CSMD3: variants seen among roughly 807,000 people sequenced by gnomAD.
CSMD3 encodes the protein CUB and Sushi multiple domains 3, also known as CUB and sushi domain-containing protein 3.
A neutral mutation model predicts 435.2 loss-of-function variants in CSMD3; 177 were observed. That is an observed-to-expected ratio of 0.41 (90% CI 0.36 to 0.46). CSMD3 has a LOEUF of 0.46. Ranked by LOEUF, CSMD3 falls within the 20% of genes least tolerant of loss-of-function variation. The pLI, the probability that CSMD3 is intolerant of heterozygous loss-of-function variation, is 0.34. For synonymous variants in CSMD3, 1,656 were observed against 1,520.5 expected (o/e 1.09, Z -2.07); for missense variants, 4,265 against 4,504.6 (o/e 0.95, Z 1.52).
intron 6 of CSMD3, among the ~76,000 whole-genome samples, chr8:113,004,977 C>T (rs2202345): frequency 0.6 from 91,535 of 151,376 alleles, 29,278 homozygotes; most frequent in East Asian, 0.95. Flanking sequence ...AAATGTTATA[C>T]ATCATTATAT....
intron 4 of CSMD3, among the ~76,000 whole-genome samples, chr8:113,123,993 T>C (rs191736099): frequency 1.4e-4 from 21 of 152,172 alleles, no homozygotes; most frequent in Admixed American, 1.1e-3. Context: ...CCTTTTTGTA[T>C]CTACCAAAGC....
In CSMD3 at chr8:113,345,136, T is replaced by C. The variant is rs73701374; in HGVS notation, c.179-30343A>G. ...AGCATAATACTTACCTGAGGCAACA[T>C]ACTTTTATTATTTGTATTACTATTT... On this transcript the variant is annotated intron_variant, in intron 1 of 70. Coordinates refer to ENST00000297405, the MANE Select transcript of CSMD3 (RefSeq NM_198123.2). 7.7e-3 allele frequency among the ~76,000 whole-genome samples: 1,166 copies of C among 152,174 alleles called. 19 individuals carry two copies. Among genetic ancestry groups the C allele is most frequent in the African/African-American group, 0.027 (1,115 of 41,546 alleles).
chr8:112,277,617 G>C (rs1586628404), intron 59 of CSMD3, among the ~76,000 whole-genome samples: 1 of 152,084 alleles, frequency 6.6e-6, no homozygotes, highest in Non-Finnish European at 1.5e-5. Flanking sequence ...CCAACTGCCA[G>C]TACCAATTTA....
chr8:113,377,131 CCTCCAAAGGGCCGAGGGG>C, intron 1 of CSMD3: 2 of 1,259,342 alleles, frequency 1.6e-6, no homozygotes, highest in Non-Finnish European at 2.0e-6. Flanking sequence ...GCTCTCCGGT[CCTCCAAAGGGCCGAGGGG>C]TGTACGCCCC....
chr8:112,525,715 C>T (rs889358941), intron 27 of CSMD3, among the ~76,000 whole-genome samples: 1 of 142,874 alleles, frequency 7.0e-6, no homozygotes, highest in African/African-American at 2.6e-5. Context: ...AGCGAGACTC[C>T]GTCCTCCCAA....
intron 12 of CSMD3, among the ~76,000 whole-genome samples, chr8:112,807,653 A>G (rs2079124431): frequency 6.6e-6 from 1 of 152,124 alleles, no homozygotes; most frequent in African/African-American, 2.4e-5. Context: ...GATTTTTTAG[A>G]AGCTGTACAA....
At chr8:112,534,960 G>A (rs929998909) in intron 27 of CSMD3, among the ~76,000 whole-genome samples, 2 of 152,080 alleles carry the variant, frequency 1.3e-5, no homozygotes, top group Admixed American at 6.6e-5. Flanking sequence ...TGCAGAAAAG[G>A]CCTTTGACAA....
At chr8:113,270,198 C>T in intron 3 of CSMD3, among the ~76,000 whole-genome samples, 1 of 151,982 alleles carries the variant, frequency 6.6e-6, no homozygotes. Flanking sequence ...AGCCAACAGA[C>T]ACATGAAAAA....
At chr8:113,137,365 T>TTA (rs953530998) in intron 4 of CSMD3, among the ~76,000 whole-genome samples, 1 of 151,750 alleles carries the variant, frequency 6.6e-6, no homozygotes, top group Non-Finnish European at 1.5e-5. Flanking sequence ...GTTATTGAAT[T>TTA]TATATGTTTA....
chr8:112,723,167 A>G (rs1243307941), intron 13 of CSMD3, among the ~76,000 whole-genome samples: 1 of 152,148 alleles, frequency 6.6e-6, no homozygotes, highest in African/African-American at 2.4e-5. Flanking sequence ...CATAGCTTGG[A>G]GTAGATATTA....
chr8:112,621,431 T>C (rs1416363038), intron 22 of CSMD3, among the ~76,000 whole-genome samples: 2 of 152,054 alleles, frequency 1.3e-5, no homozygotes, highest in Non-Finnish European at 2.9e-5. Flanking sequence ...TCATTTCACT[T>C]CATTTCCTTC....
At chr8:113,103,848 A>C (rs2090398271) in intron 4 of CSMD3, among the ~76,000 whole-genome samples, 1 of 152,124 alleles carries the variant, frequency 6.6e-6, no homozygotes, top group Admixed American at 6.6e-5. Flanking sequence ...TTTTAAAAAT[A>C]GTTCACTATG....
intron 3 of CSMD3, among the ~76,000 whole-genome samples, chr8:113,241,041 C>A (rs1353050516): frequency 6.6e-6 from 1 of 152,054 alleles, no homozygotes; most frequent in Admixed American, 6.6e-5. Context: ...AAGATATTAG[C>A]TGATATTGTT....
chr8:113,061,737 A>T (rs1414777587), intron 5 of CSMD3, among the ~76,000 whole-genome samples: 1 of 152,050 alleles, frequency 6.6e-6, no homozygotes, highest in East Asian at 1.9e-4. Flanking sequence ...TTGTTGGGAT[A>T]CAAATCATAG....
chr8:113,265,355 T>C (rs1278202727), intron 3 of CSMD3, among the ~76,000 whole-genome samples: 2 of 151,614 alleles, frequency 1.3e-5, no homozygotes, highest in Non-Finnish European at 3.0e-5. Context: ...AGTATATGTA[T>C]TAACAAAAGT....
At chr8:112,614,422 A>C (rs1188138091) in intron 22 of CSMD3, among the ~76,000 whole-genome samples, 1 of 152,022 alleles carries the variant, frequency 6.6e-6, no homozygotes, top group East Asian at 1.9e-4. Context: ...GTAAAACCAA[A>C]GCCTTTGTAA....
chr8:112,790,608 C>T (rs895862970), intron 13 of CSMD3, among the ~76,000 whole-genome samples: 32 of 152,032 alleles, frequency 2.1e-4, no homozygotes, highest in African/African-American at 7.5e-4. Context: ...TAAATTTCCC[C>T]TATCGTAATC....
chr8:113,072,957 T>C (rs1334917352), intron 5 of CSMD3, among the ~76,000 whole-genome samples: 2 of 151,710 alleles, frequency 1.3e-5, no homozygotes, highest in African/African-American at 2.4e-5. Flanking sequence ...ACAATGATTC[T>C]TACAACTCTA....
At chr8:112,367,086 A>C (rs566348600) in intron 38 of CSMD3, among the ~76,000 whole-genome samples, 1 of 152,172 alleles carries the variant, frequency 6.6e-6, no homozygotes, top group East Asian at 1.9e-4. Flanking sequence ...AATTCAATTT[A>C]TTTGTGGCAT....
Sources: gnomAD v4.1 joint callset for allele counts (sites outside exome capture counted in the v4.1 genomes callset) on GRCh38, gnomAD v4.1.1 for gene constraint, MANE v1.5 for transcripts, NCBI Gene and HGNC (gene_info 2026-07-23, HGNC 2026-07-21) for gene names.